The following ELMO1 variants were observed in gnomAD, a reference collection of about 807,000 sequenced individuals.
ELMO1 encodes engulfment and cell motility 1.
In ELMO1, 26 loss-of-function variants were observed where a neutral mutation model predicts 98.9. The ratio of observed to expected loss-of-function variants is 0.26; its 90% CI spans 0.19 to 0.36. The LOEUF is 0.36. Ranked by LOEUF, ELMO1 falls within the 10% of genes least tolerant of loss-of-function variation. The pLI, the probability that ELMO1 is intolerant of heterozygous loss-of-function variation, is 1.00. For synonymous variants in ELMO1, 346 were observed against 346.0 expected (o/e 1.00, Z 0.00); for missense variants, 627 against 935.2 (o/e 0.67, Z 4.30).
At chr7:37,364,801 A>G (rs1416154680) in intron 1 of ELMO1, among the ~76,000 whole-genome samples, 2 of 152,210 alleles carry the variant, frequency 1.3e-5, no homozygotes, top group Non-Finnish European at 2.9e-5. Flanking sequence ...ATAGAAAGAT[A>G]ACACAAAAAG....
intron 15 of ELMO1, among the ~76,000 whole-genome samples, chr7:37,026,319 C>A (rs1319110056): frequency 6.6e-6 from 1 of 152,086 alleles, no homozygotes; most frequent in African/African-American, 2.4e-5. Flanking sequence ...TACACCTTAA[C>A]CTGGGGCTCA....
At chr7:37,084,897 C>T (rs1783679817) in intron 15 of ELMO1, among the ~76,000 whole-genome samples, 1 of 151,996 alleles carries the variant, frequency 6.6e-6, no homozygotes, top group African/African-American at 2.4e-5. Context: ...GTTGGGATTA[C>T]AGGCTCCCAC....
intron 16 of ELMO1, among the ~76,000 whole-genome samples, chr7:37,010,581 G>A (rs1793476233): frequency 6.6e-6 from 1 of 152,196 alleles, no homozygotes; most frequent in Non-Finnish European, 1.5e-5. Context: ...AAGGACATAA[G>A]CCAAGGAATG....
chr7:37,349,902 T>C (rs1229493912), intron 1 of ELMO1, among the ~76,000 whole-genome samples: 2 of 152,188 alleles, frequency 1.3e-5, no homozygotes, highest in East Asian at 3.8e-4. Flanking sequence ...TCTCAATACC[T>C]TTAGTGTCTA....
intron 1 of ELMO1, among the ~76,000 whole-genome samples, chr7:37,422,009 A>G (rs933532807): frequency 1.3e-5 from 2 of 152,174 alleles, no homozygotes; most frequent in East Asian, 3.9e-4. Context: ...ACAAAGGATG[A>G]CCTTTAAAGA....
intron 1 of ELMO1, among the ~76,000 whole-genome samples, chr7:37,384,644 C>T (rs570642507): frequency 2.6e-5 from 4 of 151,468 alleles, no homozygotes; most frequent in South Asian, 4.2e-4. Context: ...GGCGTGAACC[C>T]GGGAGGCGGA....
chr7:37,012,476 C>A (rs1277581027), intron 16 of ELMO1, among the ~76,000 whole-genome samples: 3 of 152,138 alleles, frequency 2.0e-5, no homozygotes, highest in Non-Finnish European at 4.4e-5. Context: ...GGGTGATGGG[C>A]CTGACCACAG....
chr7:36,904,815 T>A (rs977179967), intron 16 of ELMO1, among the ~76,000 whole-genome samples: 1 of 152,216 alleles, frequency 6.6e-6, no homozygotes, highest in Non-Finnish European at 1.5e-5. Context: ...CTTTGCAGTC[T>A]GCTCTTGAGA....
chr7:37,121,643 C>T (rs966302183), intron 14 of ELMO1, among the ~76,000 whole-genome samples: 1 of 152,088 alleles, frequency 6.6e-6, no homozygotes, highest in East Asian at 1.9e-4. Context: ...ACCAAATCTA[C>T]GTCTGATTGG....
At chr7:36,975,470 A>C (rs1378133820) in intron 16 of ELMO1, among the ~76,000 whole-genome samples, 1 of 151,062 alleles carries the variant, frequency 6.6e-6, no homozygotes, top group East Asian at 2.0e-4. Context: ...AGTCTCAAAA[A>C]TAAAACAAAA....
chr7:37,298,288 T>G (rs1171992710), intron 4 of ELMO1, among the ~76,000 whole-genome samples: 3 of 33,002 alleles, frequency 9.1e-5, no homozygotes, highest in Admixed American at 6.5e-4. Flanking sequence ...GTTTTTTTTG[T>G]TTTTTTTTTT....
intron 16 of ELMO1, chr7:36,986,372 G>C: frequency 1.8e-6 from 1 of 542,810 alleles, no homozygotes; most frequent in Non-Finnish European, 2.3e-6. Context: ...ATGCTCTTTT[G>C]TCAATAAACC....
intron 4 of ELMO1, among the ~76,000 whole-genome samples, chr7:37,302,903 C>T (rs1798420278): frequency 6.6e-6 from 1 of 152,026 alleles, no homozygotes; most frequent in Admixed American, 6.5e-5. Context: ...AACCTAGGGC[C>T]CTAATGTTAC....
intron 10 of ELMO1, among the ~76,000 whole-genome samples, chr7:37,218,580 A>G (rs1793424183): frequency 6.6e-6 from 1 of 152,248 alleles, no homozygotes; most frequent in Admixed American, 6.5e-5. Context: ...GGAATATTTT[A>G]TAGCATTAAA....
At chr7:37,446,772 A>T (rs1214034190) in intron 1 of ELMO1, among the ~76,000 whole-genome samples, 3 of 152,140 alleles carry the variant, frequency 2.0e-5, no homozygotes, top group Non-Finnish European at 4.4e-5. Context: ...CTCCTGACAC[A>T]ACCCCTCCCC....
intron 15 of ELMO1, among the ~76,000 whole-genome samples, chr7:37,070,128 A>T (rs987406853): frequency 6.6e-6 from 1 of 152,210 alleles, no homozygotes; most frequent in African/African-American, 2.4e-5. Flanking sequence ...GACACAGAAG[A>T]TATTTCTCTA....
At chr7:37,222,509 G>A (rs1793653639) in intron 10 of ELMO1, 106 bp downstream of exon 10, 2 of 1,108,222 alleles carry the variant, frequency 1.8e-6, no homozygotes, top group South Asian at 1.4e-5. Context: ...CTGTGGCCAG[G>A]ATAGCAGAGA....
At chr7:37,111,484 A>T (rs1283366527) in intron 14 of ELMO1, among the ~76,000 whole-genome samples, 1 of 152,198 alleles carries the variant, frequency 6.6e-6, no homozygotes, top group Non-Finnish European at 1.5e-5. Flanking sequence ...GAAACCAGCA[A>T]ATGCTGCAAT....
chr7:37,240,478 C>T (rs1794708704), intron 7 of ELMO1, among the ~76,000 whole-genome samples: 1 of 151,652 alleles, frequency 6.6e-6, no homozygotes, highest in Non-Finnish European at 1.5e-5. Context: ...GTATTATTTG[C>T]CTGTTTCCTA....
Sources: gnomAD v4.1 joint callset for allele counts (sites outside exome capture counted in the v4.1 genomes callset) on GRCh38, gnomAD v4.1.1 for gene constraint, MANE v1.5 for transcripts, NCBI Gene and HGNC (gene_info 2026-07-23, HGNC 2026-07-21) for gene names.